The following TENM3 variants were observed in gnomAD, a reference collection of about 807,000 sequenced individuals.
TENM3 encodes the protein teneurin transmembrane protein 3.
TENM3 carries 63 observed loss-of-function variants against 255.1 expected under a neutral mutation model. The ratio of observed to expected loss-of-function variants is 0.25; its 90% CI spans 0.20 to 0.30. The LOEUF (loss-of-function observed/expected upper bound fraction) is 0.30, where lower values mean the gene tolerates loss of function less well. TENM3 is among the 10% of genes least tolerant of loss of function. TENM3 has a pLI of 1.00. For missense variants in TENM3, 2,929 were observed against 3,461.1 expected (o/e 0.85, Z 3.86); for synonymous variants, 1,306 against 1,322.3 (o/e 0.99, Z 0.27).
At chr4:181,811,718 G>T in the TENM3 span, among the ~76,000 whole-genome samples, 1 of 152,206 alleles carries the variant, frequency 6.6e-6, no homozygotes, top group Non-Finnish European at 1.5e-5. Flanking sequence ...CAGATCTCAT[G>T]AGACTCATTC....
At position 182,218,562 on chromosome 4, in the gene TENM3, A is replaced by G. The variant is rs893263872; in HGVS notation, c.-76+73808A>G. Among the ~76,000 whole-genome samples, 7 of 152,326 alleles carry G rather than the reference A, an allele frequency of 4.6e-5. No homozygotes were observed. In the South Asian group the frequency reaches 1.5e-3, roughly 32 times the overall value. ...AATCATGTGCTTAAAATTATGCAGT[A>G]AGTGACTTCAAATCTTGTGATCTTT... On this transcript the variant is annotated intron_variant, in intron 1 of 2. Coordinates refer to the TENM3 transcript ENST00000512480.
intron 1 of TENM3, among the ~76,000 whole-genome samples, chr4:182,285,431 A>C (rs1469462389): frequency 6.6e-6 from 1 of 152,194 alleles, no homozygotes; most frequent in Non-Finnish European, 1.5e-5. Flanking sequence ...AGGGTCCACT[A>C]TGTGTCTGCT....
intron 3 of TENM3, among the ~76,000 whole-genome samples, chr4:182,367,279 G>A (rs1206287760): frequency 1.3e-5 from 2 of 152,158 alleles, no homozygotes; most frequent in East Asian, 3.9e-4. Context: ...GAGGCCACCC[G>A]ATCTGGAGAG....
chr4:181,450,812 A>C, the TENM3 span, among the ~76,000 whole-genome samples: 2 of 152,224 alleles, frequency 1.3e-5, no homozygotes, highest in Non-Finnish European at 2.9e-5. Context: ...TGAAAATCTC[A>C]CTTTGAATAT....
chr4:181,763,530 G>A, the TENM3 span, among the ~76,000 whole-genome samples: 9 of 152,156 alleles, frequency 5.9e-5, no homozygotes, highest in South Asian at 2.1e-4. Flanking sequence ...ACTTTGTAAT[G>A]TGAAAATTAT....
At chr4:181,858,088 A>G in the TENM3 span, among the ~76,000 whole-genome samples, 1 of 152,224 alleles carries the variant, frequency 6.6e-6, no homozygotes, top group Non-Finnish European at 1.5e-5. Flanking sequence ...TATTAAAATC[A>G]TTTAATTTTG....
intron 1 of TENM3, among the ~76,000 whole-genome samples, chr4:182,219,263 T>C (rs529726439): frequency 6.6e-6 from 1 of 151,886 alleles, no homozygotes; most frequent in Admixed American, 6.6e-5. Flanking sequence ...AACCATAATA[T>C]ATTTTGAAGA....
chr4:182,334,159 G>C (rs951694484), intron 2 of TENM3, among the ~76,000 whole-genome samples: 13 of 119,406 alleles, frequency 1.1e-4, no homozygotes, highest in African/African-American at 4.8e-4. Flanking sequence ...CTACTGCTTG[G>C]AAGTCAGAAA....
At chr4:182,755,426 C>G (rs1762660212) in intron 22 of TENM3, 167 bp downstream of exon 22, 1 of 631,152 alleles carries the variant, frequency 1.6e-6, no homozygotes, top group Admixed American at 3.3e-5. Flanking sequence ...CCCGTAGTCT[C>G]AGCTCCTGGG....
chr4:182,347,772 A>G (rs1419093661), intron 3 of TENM3, among the ~76,000 whole-genome samples: 1 of 152,228 alleles, frequency 6.6e-6, no homozygotes, highest in East Asian at 1.9e-4. Context: ...TGCAGCAAAC[A>G]AAAAATTCTC....
chr4:182,034,108 G>A, the TENM3 span, among the ~76,000 whole-genome samples: 5 of 152,138 alleles, frequency 3.3e-5, no homozygotes, highest in Admixed American at 2.6e-4. Context: ...TGGCAGCAAG[G>A]CAATCATACA....
chr4:181,951,552 A>G, the TENM3 span, among the ~76,000 whole-genome samples: 7 of 152,222 alleles, frequency 4.6e-5, no homozygotes, highest in Non-Finnish European at 8.8e-5. Flanking sequence ...CAAAGTCCAT[A>G]TTTGAAATCC....
the TENM3 span, among the ~76,000 whole-genome samples, chr4:181,650,550 A>G: frequency 6.6e-6 from 1 of 152,172 alleles, no homozygotes; most frequent in African/African-American, 2.4e-5. Context: ...CATGGCTACA[A>G]TCACTTTGTT....
At chr4:182,220,849 CAG>C (rs761679398) in intron 1 of TENM3, among the ~76,000 whole-genome samples, 10 of 152,110 alleles carry the variant, frequency 6.6e-5, no homozygotes, top group Non-Finnish European at 8.8e-5. Flanking sequence ...TAATAATCAA[CAG>C]CTCTGTGAAG....
chr4:182,001,475 T>C, the TENM3 span, among the ~76,000 whole-genome samples: 1 of 152,100 alleles, frequency 6.6e-6, no homozygotes, highest in Non-Finnish European at 1.5e-5. Context: ...ATCACACTGT[T>C]ACTGTTCGGT....
chr4:182,339,364 C>T (rs1231523601), intron 2 of TENM3, among the ~76,000 whole-genome samples: 1 of 152,176 alleles, frequency 6.6e-6, no homozygotes, highest in African/African-American at 2.4e-5. Flanking sequence ...CTTAAAGACA[C>T]AAGTTAAATA....
At chr4:182,445,353 T>G (rs928914559) in intron 3 of TENM3, among the ~76,000 whole-genome samples, 1 of 152,238 alleles carries the variant, frequency 6.6e-6, no homozygotes, top group Non-Finnish European at 1.5e-5. Flanking sequence ...AGTCATAAAA[T>G]GAAGTGCTTA....
At chr4:182,186,426 T>G (rs1753154643) in intron 1 of TENM3, among the ~76,000 whole-genome samples, 1 of 152,078 alleles carries the variant, frequency 6.6e-6, no homozygotes. Context: ...TTCTAATATG[T>G]ATATATCGAT....
At chr4:181,561,759 G>C in the TENM3 span, among the ~76,000 whole-genome samples, 1 of 152,150 alleles carries the variant, frequency 6.6e-6, no homozygotes, top group Non-Finnish European at 1.5e-5. Context: ...TGATGTGAGC[G>C]TGCATCTTCT....
Sources: gnomAD v4.1 joint callset for allele counts (sites outside exome capture counted in the v4.1 genomes callset) on GRCh38, gnomAD v4.1.1 for gene constraint, MANE v1.5 for transcripts, NCBI Gene and HGNC (gene_info 2026-07-23, HGNC 2026-07-21) for gene names.